NACC2: variants seen among roughly 807,000 people sequenced by gnomAD.
NACC2 encodes nucleus accumbens-associated protein 2.
In NACC2, 8 loss-of-function variants were observed where a neutral mutation model predicts 25.1. The ratio of observed to expected loss-of-function variants is 0.32; its 90% CI spans 0.19 to 0.57. The LOEUF is 0.57. NACC2 is among the 20% of genes least tolerant of loss of function. The pLI is 0.89. For synonymous variants in NACC2, 435 were observed against 294.7 expected (o/e 1.48, Z -4.88); for missense variants, 644 against 650.2 (o/e 0.99, Z 0.10).
chr9:136,046,465 G>T (rs1360104982), intron 2 of NACC2, among the ~76,000 whole-genome samples: 2 of 152,226 alleles, frequency 1.3e-5, no homozygotes, highest in Non-Finnish European at 2.9e-5. Flanking sequence ...TGCCGCAGGG[G>T]TGATGGCTTA....
At position 136,020,382 on chromosome 9, in the gene NACC2, C is replaced by T. The variant is rs909389244; in HGVS notation, c.887-3953G>A. ...CACCACGGCAGGATGTCCCAGATGG[C>T]GAGCCCTGTTCCTGTCCCCAAGGCA... On this transcript the variant is annotated intron_variant, in intron 2 of 5. Transcript: ENST00000277554. The surrounding 1 kb of genome is among the most constrained non-coding windows in gnomAD (Gnocchi z 4.7). 2.6e-5 allele frequency among the ~76,000 whole-genome samples: 4 copies of T among 152,096 alleles called. No individual in the cohort carries two copies. The highest frequency in any genetic ancestry group is 9.7e-5 in the African/African-American group (4 of 41,426).
intron 2 of NACC2, among the ~76,000 whole-genome samples, chr9:136,030,283 C>T (rs1170393667): frequency 6.6e-6 from 1 of 152,146 alleles, no homozygotes; most frequent in Non-Finnish European, 1.5e-5. Flanking sequence ...AGAGGAGGCT[C>T]ATCCCTGTTG....
In NACC2 at chr9:136,007,419, G is replaced by A. The variant is rs566369100; in HGVS notation, c.*4097C>T. ...GAGACACGCACGTGCACACAGACGC[G>A]CGTGCACACATACACACAGACGCGC... is the stretch of plus-strand genomic sequence containing the variant. On this transcript the variant is annotated 3_prime_UTR_variant, in exon 6 of 6. Coordinates refer to ENST00000277554, the MANE Select transcript of NACC2 (RefSeq NM_144653.5). 2 of 136,708 alleles carry A rather than the reference G, an allele frequency of 1.5e-5. No individual in the cohort carries two copies. The highest frequency in any genetic ancestry group is 5.3e-5 in the African/African-American group (2 of 37,634). The allele number at this position is 136,708 out of a possible 1,614,324, so 8.5% of individuals were successfully genotyped here. A position where few individuals can be genotyped will look rare whatever the true frequency, so the allele number is the denominator to read the frequency against.
chr9:136,040,201 C>T (rs1203907507), intron 2 of NACC2, among the ~76,000 whole-genome samples: 3 of 151,940 alleles, frequency 2.0e-5, no homozygotes, highest in Admixed American at 6.6e-5. Context: ...AAAAATTAGC[C>T]GGGCGTGGTG....
At chr9:136,073,718 G>A (rs923894804) in intron 1 of NACC2, among the ~76,000 whole-genome samples, 3 of 152,340 alleles carry the variant, frequency 2.0e-5, no homozygotes, top group South Asian at 2.1e-4. Flanking sequence ...AAGCAGCTGC[G>A]TGTGTGCTAC....
Position 136,011,339 on chromosome 9 carries a change from T to C in NACC2, c.*177A>G. 1 of 694,106 alleles carries C rather than the reference T, an allele frequency of 1.4e-6. No homozygotes were observed. Among genetic ancestry groups the C allele is most frequent in the South Asian group, 6.0e-5 (1 of 16,606 alleles). 43.0% of individuals were successfully genotyped at this position (694,106 alleles called of 1,614,324 possible). The stretch of plus-strand genomic sequence containing the variant: ...CTGCCAGTGGCCTAATTGTTTACAG[T>C]ATAATGAATGCATTTGTTTCCTTCA... On this transcript the variant is annotated 3_prime_UTR_variant, in exon 6 of 6. Transcript: ENST00000277554.
In NACC2 at chr9:136,011,477, C is replaced by T; in HGVS notation, c.*39G>A. 1 of 1,347,374 alleles carries T rather than the reference C, an allele frequency of 7.4e-7. No homozygotes were observed. The highest frequency in any genetic ancestry group is 9.5e-7 in the Non-Finnish European group (1 of 1,050,950). The allele number at this position is 1,347,374 out of a possible 1,614,324, so 83.5% of individuals were successfully genotyped here. A position where few individuals can be genotyped will look rare whatever the true frequency, so the allele number is the denominator to read the frequency against. ...TTGTATTAGTAACGCATGCAAGCAGCTCTAGTACTCGGTCCCTCGCGCAGC... is the reference window on the plus strand; with the variant it reads ...TTGTATTAGTAACGCATGCAAGCAGTTCTAGTACTCGGTCCCTCGCGCAGC... On this transcript the variant is annotated 3_prime_UTR_variant, in exon 6 of 6. Coordinates refer to ENST00000277554, the MANE Select transcript of NACC2 (RefSeq NM_144653.5).
Position 136,018,479 on chromosome 9 carries a change from G to A in NACC2, c.887-2050C>T, listed in dbSNP as rs1359226288. ...GGTGTTCCACTCCTGAGAACCATGC[G>A]GGGTCTGAAACCACCCACCCTGGAG... On this transcript the variant is annotated intron_variant, in intron 2 of 5. Transcript: ENST00000277554. The surrounding 1 kb of genome is among the most constrained non-coding windows in gnomAD (Gnocchi z 4.4). Among the ~76,000 whole-genome samples, 1 of 152,040 alleles carries A rather than the reference G, an allele frequency of 6.6e-6. No individual in the cohort carries two copies. Among genetic ancestry groups the A allele is most frequent in the Non-Finnish European group, 1.5e-5 (1 of 67,982 alleles).
At chr9:136,023,302 C>G (rs931298721) in intron 2 of NACC2, among the ~76,000 whole-genome samples, 2 of 151,744 alleles carry the variant, frequency 1.3e-5, no homozygotes, top group Admixed American at 1.3e-4. Flanking sequence ...AGCTTGCTCC[C>G]GACGCGAGGG....
At position 136,008,181 on chromosome 9, in the gene NACC2, A is replaced by C. The variant is rs888234662; in HGVS notation, c.*3335T>G. On this transcript the variant is annotated 3_prime_UTR_variant, in exon 6 of 6. Transcript: ENST00000277554. Reference sequence around the variant, plus strand: ...ACAGAGAACTCGGGTGGACAGACACAATGCGGAAAACAAGACAGAATTCAA... The same window carrying C: ...ACAGAGAACTCGGGTGGACAGACACCATGCGGAAAACAAGACAGAATTCAA... 1 of 152,362 alleles carries C rather than the reference A, an allele frequency of 6.6e-6. No individual in the cohort carries two copies. The highest frequency in any genetic ancestry group is 2.4e-5 in the African/African-American group (1 of 41,446). 9.4% of individuals were successfully genotyped at this position (152,362 alleles called of 1,614,324 possible). A position where few individuals can be genotyped will look rare whatever the true frequency, so the allele number is the denominator to read the frequency against.
rs537525916 is a variant in NACC2, at chr9:136,089,149, A to G, written c.-60+6040T>C. Among the ~76,000 whole-genome samples the G allele has an allele frequency of 4.3e-4, 66 of 152,180 alleles. 4 individuals are homozygous for G. The East Asian group carries it at 0.013, about 30-fold the overall frequency. On this transcript the variant is annotated intron_variant, in intron 1 of 5. Transcript: ENST00000277554. The stretch of plus-strand genomic sequence containing the variant: ...TACGTTTGCAGCACTGCAGCCCGGG[A>G]GAACCAGCGGGGCGGCAGCCACAGG...
intron 1 of NACC2, among the ~76,000 whole-genome samples, chr9:136,053,805 G>A (rs1375923037): frequency 6.6e-6 from 1 of 152,254 alleles, no homozygotes; most frequent in Non-Finnish European, 1.5e-5. Context: ...TACCAAAAGA[G>A]GGGACAGGCA....
intron 2 of NACC2, among the ~76,000 whole-genome samples, chr9:136,021,378 G>A (rs372000174): frequency 2.0e-5 from 3 of 152,188 alleles, no homozygotes; most frequent in African/African-American, 7.2e-5. Flanking sequence ...AAGTGCCGGC[G>A]AGGATGCGGG....
At chr9:136,050,805 C>T (rs948643588) in intron 1 of NACC2, among the ~76,000 whole-genome samples, 2 of 152,168 alleles carry the variant, frequency 1.3e-5, no homozygotes, top group African/African-American at 2.4e-5. Flanking sequence ...TGCTGCAGAT[C>T]CCCGGGGTGC....
chr9:136,051,210 C>T lies in NACC2; in HGVS notation c.-59-630G>A, dbSNP rs950633269. 3.0e-4 allele frequency among the ~76,000 whole-genome samples: 45 copies of T among 152,302 alleles called. No individual in the cohort carries two copies. In the South Asian group the frequency reaches 8.9e-3, roughly 30 times the overall value. On this transcript the variant is annotated intron_variant, in intron 1 of 5. Transcript: ENST00000277554. ...GGGGTGCCGGGAAGTCCGCTGAAGC[C>T]GCGTCCACTCCTCCCTCGCGCAGAG...
chr9:136,021,598 C>G (rs970459485), intron 2 of NACC2, among the ~76,000 whole-genome samples: 3 of 152,158 alleles, frequency 2.0e-5, no homozygotes, highest in Admixed American at 1.3e-4. Context: ...AATTATACTT[C>G]TAGGTATTTG....
intron 1 of NACC2, among the ~76,000 whole-genome samples, chr9:136,074,584 C>T (rs904044819): frequency 6.6e-6 from 1 of 151,418 alleles, no homozygotes; most frequent in African/African-American, 2.4e-5. Context: ...TTAACACAGA[C>T]GGACAGGTCA....
chr9:136,041,389 C>T (rs1840630180), intron 2 of NACC2, among the ~76,000 whole-genome samples: 1 of 150,930 alleles, frequency 6.6e-6, no homozygotes, highest in Non-Finnish European at 1.5e-5. Context: ...CACTGCACTC[C>T]AGCCTGGGTA....
chr9:136,029,881 G>A (rs571836305), intron 2 of NACC2, among the ~76,000 whole-genome samples: 19 of 152,290 alleles, frequency 1.2e-4, no homozygotes, highest in South Asian at 8.3e-4. Context: ...TGTGGGATCC[G>A]GGCCGGTAGT....
Sources: gnomAD v4.1 joint callset for allele counts (sites outside exome capture counted in the v4.1 genomes callset) on GRCh38, gnomAD v4.1.1 for gene constraint, Gnocchi (gnomAD v3.1) non-coding constraint, MANE v1.5 for transcripts, NCBI Gene and HGNC (gene_info 2026-07-23, HGNC 2026-07-21) for gene names.